KPNA1: variants seen among roughly 807,000 people sequenced by gnomAD.
KPNA1 encodes the protein karyopherin subunit alpha 1.
In KPNA1, 10 loss-of-function variants were observed where a neutral mutation model predicts 70.5. That is an observed-to-expected ratio of 0.14 (90% CI 0.09 to 0.24). The LOEUF (loss-of-function observed/expected upper bound fraction) is 0.24, where lower values mean the gene tolerates loss of function less well. Ranked by LOEUF, KPNA1 falls within the 10% of genes least tolerant of loss-of-function variation. The pLI, the probability that KPNA1 is intolerant of heterozygous loss-of-function variation, is 1.00. For synonymous variants in KPNA1, 192 were observed against 221.9 expected (o/e 0.87, Z 1.20); for missense variants, 397 against 637.9 (o/e 0.62, Z 4.07).
At chr3:122,499,124 C>T (rs1429466307) in intron 1 of KPNA1, among the ~76,000 whole-genome samples, 3 of 132,102 alleles carry the variant, frequency 2.3e-5, no homozygotes, top group African/African-American at 7.9e-5. Context: ...ATTTGATACA[C>T]ATCATGTCGT....
At chr3:122,478,635 T>C (rs1040818484) in intron 2 of KPNA1, among the ~76,000 whole-genome samples, 17 of 151,302 alleles carry the variant, frequency 1.1e-4, no homozygotes. Context: ...GGCAGGAGAA[T>C]TGCTTGAACT....
At chr3:122,453,388 A>G (rs2076232445) in intron 6 of KPNA1, among the ~76,000 whole-genome samples, 1 of 152,226 alleles carries the variant, frequency 6.6e-6, no homozygotes, top group Non-Finnish European at 1.5e-5. Context: ...AATTCTGCCT[A>G]CAGTCACTAA....
chr3:122,443,023 T>C (rs1031002173), intron 9 of KPNA1: 5 of 152,330 alleles, frequency 3.3e-5, no homozygotes, highest in African/African-American at 1.2e-4. Flanking sequence ...GGAAGCACAA[T>C]GGGTCGGGGG....
Position 122,496,577 on chromosome 3 carries a change from T to A in KPNA1, c.-5-7A>T. 6.2e-7 allele frequency: 1 copy of A among 1,612,636 alleles called. No individual in the cohort carries two copies. The highest frequency in any genetic ancestry group is 8.5e-7 in the Non-Finnish European group (1 of 1,179,082). On this transcript the variant is annotated splice_polypyrimidine_tract_variant and splice_region_variant and intron_variant, in intron 1 of 13. Transcript: ENST00000344337. ...CCTGGGGTGGTCATGATTTCTACAA[T>A]ACAAGTGGGGAGAGAACAAATGAGT...
chr3:122,479,944 T>C (rs2076551772), intron 2 of KPNA1, among the ~76,000 whole-genome samples: 1 of 152,142 alleles, frequency 6.6e-6, no homozygotes, highest in African/African-American at 2.4e-5. Flanking sequence ...ATGGATAAAC[T>C]ATGGTGCATC....
intron 1 of KPNA1, among the ~76,000 whole-genome samples, chr3:122,509,293 G>C (rs934355241): frequency 7.9e-5 from 12 of 151,500 alleles, no homozygotes; most frequent in African/African-American, 2.9e-4. Context: ...GCAAACATGT[G>C]AGCAAAAAAG....
Position 122,427,187 on chromosome 3 carries a change from A to G in KPNA1, c.1430-15T>C, listed in dbSNP as rs2075834050. 1.3e-6 allele frequency: 2 copies of G among 1,587,854 alleles called. No individual in the cohort carries two copies. The highest frequency in any genetic ancestry group is 1.7e-6 in the Non-Finnish European group (2 of 1,161,018). On this transcript the variant is annotated splice_polypyrimidine_tract_variant and intron_variant, in intron 13 of 13. Coordinates refer to ENST00000344337, the MANE Select transcript of KPNA1 (RefSeq NM_002264.4). Reference sequence around the variant, plus strand: ...TTTATCCAGACCTAAAATGAAGAATAAAGGAAAATCTTTATTGAAAACTTC... The same window carrying G: ...TTTATCCAGACCTAAAATGAAGAATGAAGGAAAATCTTTATTGAAAACTTC...
At chr3:122,438,220 G>A (rs148283320) in intron 10 of KPNA1, among the ~76,000 whole-genome samples, 41 of 152,184 alleles carry the variant, frequency 2.7e-4, no homozygotes, top group South Asian at 1.0e-3. Flanking sequence ...TCCTGCTCAC[G>A]TCACATAAGA....
At chr3:122,463,273 G>A (rs112060906) in intron 4 of KPNA1, among the ~76,000 whole-genome samples, 33,902 of 151,518 alleles carry the variant, frequency 0.22, 4,210 homozygotes, top group Non-Finnish European at 0.27. Context: ...GCGTGAACCC[G>A]GGAGGCGGCG....
At chr3:122,503,214 T>C (rs2076849932) in intron 1 of KPNA1, among the ~76,000 whole-genome samples, 1 of 152,038 alleles carries the variant, frequency 6.6e-6, no homozygotes, top group South Asian at 2.1e-4. Flanking sequence ...AATGTGGAGT[T>C]GTAAGGGTAA....
At chr3:122,500,266 C>A (rs1247822084) in intron 1 of KPNA1, among the ~76,000 whole-genome samples, 1 of 151,912 alleles carries the variant, frequency 6.6e-6, no homozygotes, top group Non-Finnish European at 1.5e-5. Flanking sequence ...GGATTATAGG[C>A]ATGCACCACC....
Position 122,448,752 on chromosome 3 carries a change from A to G in KPNA1, c.917+822T>C, listed in dbSNP as rs551043715. On this transcript the variant is annotated intron_variant, in intron 9 of 13. Coordinates refer to ENST00000344337, the MANE Select transcript of KPNA1 (RefSeq NM_002264.4). ...GGACTTAAAGTATAATTTTTAAAAA[A>G]GAAAAAAAAAAAAGAAATGGCTAAA... Among the ~76,000 whole-genome samples the G allele has an allele frequency of 2.6e-5, 4 of 151,918 alleles. No individual in the cohort carries two copies. The East Asian group carries it at 7.7e-4, about 29-fold the overall frequency.
chr3:122,440,945 C>T (rs56300267), intron 10 of KPNA1, among the ~76,000 whole-genome samples: 2,796 of 152,274 alleles, frequency 0.018, 83 homozygotes, highest in East Asian at 0.12. Flanking sequence ...AGTTAGAAGA[C>T]ACCTGAGAGA....
chr3:122,510,116 C>T (rs186434498), intron 1 of KPNA1, among the ~76,000 whole-genome samples: 155 of 152,212 alleles, frequency 1.0e-3, no homozygotes, highest in African/African-American at 3.5e-3. Context: ...ATTTTATACC[C>T]AGACAAATTA....
chr3:122,472,077 C>T (rs1445323596), intron 2 of KPNA1, among the ~76,000 whole-genome samples: 1 of 152,146 alleles, frequency 6.6e-6, no homozygotes, highest in Non-Finnish European at 1.5e-5. Flanking sequence ...TTGAACTCAA[C>T]ATTAATCAAC....
chr3:122,437,697 T>TA (rs1405903262), intron 10 of KPNA1, among the ~76,000 whole-genome samples: 1 of 152,196 alleles, frequency 6.6e-6, no homozygotes, highest in African/African-American at 2.4e-5. Context: ...AATACGTACT[T>TA]AATGAGGTAT....
chr3:122,471,352 T>C (rs2076440010), intron 2 of KPNA1, among the ~76,000 whole-genome samples: 1 of 152,224 alleles, frequency 6.6e-6, no homozygotes, highest in Non-Finnish European at 1.5e-5. Context: ...TGATTTCAAT[T>C]TGACAGTTAA....
chr3:122,499,938 G>C (rs1243272681), intron 1 of KPNA1, among the ~76,000 whole-genome samples: 6 of 152,072 alleles, frequency 3.9e-5, no homozygotes, highest in Non-Finnish European at 8.8e-5. Flanking sequence ...AAGCCATATG[G>C]GCCTAGGCTG....
At chr3:122,434,056 C>G (rs548938571) in intron 11 of KPNA1, among the ~76,000 whole-genome samples, 5 of 152,238 alleles carry the variant, frequency 3.3e-5, no homozygotes, top group East Asian at 1.9e-4. Context: ...CCTGCCTCAG[C>G]CTCCCGGGTA....
Sources: gnomAD v4.1 joint callset for allele counts (sites outside exome capture counted in the v4.1 genomes callset) on GRCh38, gnomAD v4.1.1 for gene constraint, MANE v1.5 for transcripts, NCBI Gene and HGNC (gene_info 2026-07-23, HGNC 2026-07-21) for gene names.